Variants in CCDC178 observed in about 807,000 individuals in gnomAD.
CCDC178 encodes the protein coiled-coil domain containing 178.
A neutral mutation model predicts 117.4 loss-of-function variants in CCDC178; 126 were observed. The ratio of observed to expected loss-of-function variants is 1.07; its 90% CI spans 0.93 to 1.24. The LOEUF (loss-of-function observed/expected upper bound fraction) is 1.24, where lower values mean the gene tolerates loss of function less well. CCDC178 is among the 50% of genes most tolerant of loss of function. CCDC178 has a pLI of 0.00. For synonymous variants in CCDC178, 283 were observed against 313.4 expected, an observed-to-expected ratio of 0.90 and a Z score of 1.02; for missense variants, 1,030 against 986.9, an observed-to-expected ratio of 1.04 and a Z score of -0.59.
At position 33,267,256 on chromosome 18, in the gene CCDC178, C is replaced by T; in HGVS notation, c.1218G>A (p.Lys406=). The stretch of plus-strand genomic sequence containing the variant: ...GATACTGATTTTCATGACTTTTTTG[C>T]TTCCAGGTTAGTTGGTCATAAACTC... ...LRRVYDQLTW[K]QKSHENQYLE... The change falls in exon 13 of 23, where the codon AAG becomes AAA. Residue 406 remains lysine, a synonymous_variant. Transcript: ENST00000383096. 6.2e-7 allele frequency: 1 copy of T among 1,605,362 alleles called. No individual in the cohort carries two copies. Among genetic ancestry groups the T allele is most frequent in the Non-Finnish European group, 8.5e-7 (1 of 1,177,170 alleles).
At chr18:33,390,220 G>A (rs1168635454) in intron 4 of CCDC178, among the ~76,000 whole-genome samples, 1 of 151,590 alleles carries the variant, frequency 6.6e-6, no homozygotes, top group African/African-American at 2.4e-5. Context: ...TTATTTTACA[G>A]TCTCTGAGGA....
chr18:33,331,026 CTTTTTTTTTT>C (rs67153629), intron 10 of CCDC178, among the ~76,000 whole-genome samples: 135 of 45,052 alleles, frequency 3.0e-3, no homozygotes, highest in African/African-American at 0.013. Context: ...ACAAACATTG[CTTTTTTTTTT>C]TTTTTTTTTT....
chr18:33,440,278 C>T (rs1005181909), intron 1 of CCDC178, among the ~76,000 whole-genome samples, 197 bp from the exon 2 acceptor site: 1 of 124,698 alleles, frequency 8.0e-6, no homozygotes, highest in African/African-American at 3.2e-5. Flanking sequence ...TTCCCTTCCC[C>T]CGGCAGTGGG....
intron 20 of CCDC178, among the ~76,000 whole-genome samples, chr18:33,141,501 T>A (rs1857564695): frequency 6.6e-6 from 1 of 152,128 alleles, no homozygotes; most frequent in African/African-American, 2.4e-5. Flanking sequence ...AGAAACTGAA[T>A]TTCTGAAAGA....
At chr18:33,105,219 C>G (rs940832443) in intron 20 of CCDC178, among the ~76,000 whole-genome samples, 1 of 151,652 alleles carries the variant, frequency 6.6e-6, no homozygotes, top group South Asian at 2.1e-4. Flanking sequence ...TCTTGGAAAA[C>G]TACCACTAAG....
chr18:33,274,074 AC>A (rs2059918046), intron 12 of CCDC178, among the ~76,000 whole-genome samples: 1 of 151,842 alleles, frequency 6.6e-6, no homozygotes, highest in African/African-American at 2.4e-5. Flanking sequence ...TATAAAATGG[AC>A]AAAAGATTTG....
At chr18:33,152,047 A>T (rs2058347434) in intron 20 of CCDC178, among the ~76,000 whole-genome samples, 1 of 152,222 alleles carries the variant, frequency 6.6e-6, no homozygotes, top group South Asian at 2.1e-4. Context: ...AATTATTGAA[A>T]ATAGATGCAG....
At position 33,333,752 on chromosome 18, in the gene CCDC178, T is replaced by A. The variant is rs571991224; in HGVS notation, c.659-358A>T. ...GTCTCAAACTCGCGACCTCAGGTGG[T>A]CCACCTGCCTCGGCGTCCCAAAGTC... On this transcript the variant is annotated intron_variant, in intron 9 of 22. Coordinates refer to ENST00000383096, the MANE Select transcript of CCDC178 (RefSeq NM_001105528.4). 1.0e-3 allele frequency among the ~76,000 whole-genome samples: 156 copies of A among 152,080 alleles called. 1 individual carries two copies. The highest frequency in any genetic ancestry group is 0.01 in the Middle Eastern group (3 of 294).
chr18:33,223,062 A>G (rs2059257167), intron 18 of CCDC178, 44 bp downstream of exon 18: 1 of 1,426,008 alleles, frequency 7.0e-7, no homozygotes, highest in East Asian at 2.3e-5. Context: ...ACTGACATAC[A>G]TAAACTGTAA....
In CCDC178 at chr18:33,167,537, T is replaced by A. The variant is rs1010372671; in HGVS notation, c.2238+44359A>T. 5.3e-5 allele frequency among the ~76,000 whole-genome samples: 8 copies of A among 152,154 alleles called. No homozygotes were observed. In the East Asian group the frequency reaches 1.5e-3, roughly 29 times the overall value. Reference sequence around the variant, plus strand: ...AGTGATGTTGTGCATTTTTTTCATATGCTTGTTGGCCACATGAATGTCTTC... The same window carrying A: ...AGTGATGTTGTGCATTTTTTTCATAAGCTTGTTGGCCACATGAATGTCTTC... On this transcript the variant is annotated intron_variant, in intron 20 of 22. Coordinates refer to ENST00000383096, the MANE Select transcript of CCDC178 (RefSeq NM_001105528.4).
intron 20 of CCDC178, among the ~76,000 whole-genome samples, chr18:33,132,675 CT>C (rs1458344446): frequency 2.6e-5 from 4 of 151,626 alleles, no homozygotes; most frequent in Admixed American, 6.6e-5. Context: ...ATATCTGCTT[CT>C]TCCTCTTTAT....
intron 15 of CCDC178, 35 bp from the exon 16 acceptor site, chr18:33,226,890 CT>C (rs1171556538): frequency 1.7e-6 from 2 of 1,163,650 alleles, no homozygotes; most frequent in African/African-American, 3.1e-5. Flanking sequence ...TGAGGATTTT[CT>C]TCATAAAACA....
intron 6 of CCDC178, among the ~76,000 whole-genome samples, chr18:33,362,126 C>T (rs995450742): frequency 5.3e-5 from 8 of 150,770 alleles, no homozygotes; most frequent in Admixed American, 6.6e-5. Context: ...TACACATACA[C>T]GCATGTATGC....
intron 20 of CCDC178, among the ~76,000 whole-genome samples, chr18:33,190,284 T>C (rs1439652871): frequency 6.6e-6 from 1 of 152,194 alleles, no homozygotes; most frequent in African/African-American, 2.4e-5. Flanking sequence ...TCATTGTGTA[T>C]TAGGTTGAAT....
chr18:33,043,474 C>T (rs973724366), intron 21 of CCDC178, among the ~76,000 whole-genome samples: 1 of 152,050 alleles, frequency 6.6e-6, no homozygotes, highest in African/African-American at 2.4e-5. Flanking sequence ...CTACTTTATG[C>T]TTCTGAAAAA....
chr18:33,412,824 A>G (rs922775053), intron 2 of CCDC178, among the ~76,000 whole-genome samples: 5 of 152,184 alleles, frequency 3.3e-5, no homozygotes, highest in Admixed American at 2.6e-4. Flanking sequence ...GTTTAAAGCA[A>G]TAATACAAAC....
chr18:33,305,548 AGG>A (rs201053137), intron 11 of CCDC178, among the ~76,000 whole-genome samples: 2,432 of 152,240 alleles, frequency 0.016, 61 homozygotes, highest in African/African-American at 0.056. Context: ...GAGGAACCTA[AGG>A]GCTGACACTC....
chr18:33,370,252 G>T, intron 5 of CCDC178, 63 bp from the exon 6 acceptor site: 1 of 1,277,420 alleles, frequency 7.8e-7, no homozygotes, highest in South Asian at 1.6e-5. Context: ...TTGATGTTCA[G>T]AATAAGCAAA....
chr18:33,287,463 T>C (rs567051522), intron 12 of CCDC178, among the ~76,000 whole-genome samples: 1 of 152,206 alleles, frequency 6.6e-6, no homozygotes, highest in East Asian at 1.9e-4. Flanking sequence ...CTTATAAATA[T>C]ATACCCAATT....
Sources: gnomAD v4.1 joint callset for allele counts (sites outside exome capture counted in the v4.1 genomes callset) on GRCh38, gnomAD v4.1.1 for gene constraint, MANE v1.5 for transcripts, NCBI Gene and HGNC (gene_info 2026-07-23, HGNC 2026-07-21) for gene names.